The following XKR6 variants were observed in gnomAD, a reference collection of about 807,000 sequenced individuals.
XKR6 encodes the protein XK related 6, also known as XK-related protein 6.
A neutral mutation model predicts 56.7 loss-of-function variants in XKR6; 22 were observed. The ratio of observed to expected loss-of-function variants is 0.39; its 90% CI spans 0.28 to 0.55. The LOEUF (loss-of-function observed/expected upper bound fraction) is 0.55, where lower values mean the gene tolerates loss of function less well. Among genes scored for constraint, XKR6 ranks in the 20% least tolerant of loss-of-function variants. The pLI, the probability that XKR6 is intolerant of heterozygous loss-of-function variation, is 0.66. For synonymous variants in XKR6, 524 were observed against 387.8 expected, an observed-to-expected ratio of 1.35 and a Z score of -4.13; for missense variants, 852 against 889.0, an observed-to-expected ratio of 0.96 and a Z score of 0.53.
At chr8:11,084,458 G>A (rs1173617213) in intron 1 of XKR6, among the ~76,000 whole-genome samples, 2 of 151,912 alleles carry the variant, frequency 1.3e-5, no homozygotes, top group East Asian at 3.9e-4. Context: ...TCTAAGAATT[G>A]CACTATTTAC....
At chr8:10,952,208 C>T (rs1801748163) in intron 1 of XKR6, among the ~76,000 whole-genome samples, 1 of 152,140 alleles carries the variant, frequency 6.6e-6, no homozygotes, top group African/African-American at 2.4e-5. Flanking sequence ...CCCAAGTTCA[C>T]CCACAGGCCT....
intron 1 of XKR6, among the ~76,000 whole-genome samples, chr8:11,048,315 A>G (rs1380087620): frequency 6.6e-6 from 1 of 152,130 alleles, no homozygotes; most frequent in Non-Finnish European, 1.5e-5. Flanking sequence ...TTTAGGGCAG[A>G]CGACTCAGGA....
At chr8:11,089,831 C>A (rs2129172351) in intron 1 of XKR6, among the ~76,000 whole-genome samples, 1 of 152,246 alleles carries the variant, frequency 6.6e-6, no homozygotes, top group East Asian at 1.9e-4. Flanking sequence ...AGCCGCTATA[C>A]TGAATTTTTT....
rs17152900 is a variant in XKR6 at position 11,131,034 on chromosome 8, C to G, written c.764+69542G>C. 2.2e-3 allele frequency among the ~76,000 whole-genome samples: 340 copies of G among 152,184 alleles called. 3 individuals are homozygous for G. Among genetic ancestry groups the G allele is most frequent in the African/African-American group, 7.5e-3 (313 of 41,468 alleles). ...AATCGCTAGTTATGTAACTGAGGACCCTGTTTTAGAGATTCTGTCCCGGGG... is the reference window on the plus strand; with the variant it reads ...AATCGCTAGTTATGTAACTGAGGACGCTGTTTTAGAGATTCTGTCCCGGGG... On this transcript the variant is annotated intron_variant, in intron 1 of 2. Coordinates refer to ENST00000416569, the MANE Select transcript of XKR6 (RefSeq NM_173683.4).
At chr8:11,116,245 A>T (rs954943608) in intron 1 of XKR6, among the ~76,000 whole-genome samples, 1 of 152,142 alleles carries the variant, frequency 6.6e-6, no homozygotes, top group African/African-American at 2.4e-5. Context: ...TTCAGAGAAA[A>T]CGTAACTAAT....
chr8:11,184,940 G>A (rs10095003), intron 1 of XKR6, among the ~76,000 whole-genome samples: 39,068 of 151,946 alleles, frequency 0.26, 5,537 homozygotes, highest in Non-Finnish European at 0.31. Context: ...AAATAACATC[G>A]TTTCATTGAC....
chr8:10,978,199 G>A (rs551545602), intron 1 of XKR6, among the ~76,000 whole-genome samples: 8 of 152,276 alleles, frequency 5.3e-5, no homozygotes, highest in African/African-American at 1.7e-4. Flanking sequence ...ATTCAGAACA[G>A]ATTCATAGCA....
At chr8:11,125,331 A>C (rs1799720960) in intron 1 of XKR6, among the ~76,000 whole-genome samples, 2 of 152,168 alleles carry the variant, frequency 1.3e-5, no homozygotes, top group South Asian at 4.2e-4. Flanking sequence ...AACCCCGCAC[A>C]ATTCACAGGG....
intron 1 of XKR6, among the ~76,000 whole-genome samples, chr8:11,102,304 T>C (rs1798515074): frequency 6.6e-6 from 1 of 152,232 alleles, no homozygotes; most frequent in African/African-American, 2.4e-5. Flanking sequence ...AGTTTACCGC[T>C]GCTAGAATGG....
chr8:11,038,083 T>C (rs1225317783), intron 1 of XKR6, among the ~76,000 whole-genome samples: 1 of 151,226 alleles, frequency 6.6e-6, no homozygotes, highest in Non-Finnish European at 1.5e-5. Context: ...AACTATTAAC[T>C]ACCATCCCTG....
intron 1 of XKR6, among the ~76,000 whole-genome samples, chr8:10,937,945 G>T (rs572894386): frequency 2.0e-5 from 3 of 151,232 alleles, no homozygotes; most frequent in Admixed American, 6.6e-5. Context: ...CGAGCTTCCC[G>T]GCTGCTTTGT....
chr8:11,086,187 A>G (rs1427742859), intron 1 of XKR6, among the ~76,000 whole-genome samples: 1 of 150,814 alleles, frequency 6.6e-6, no homozygotes, highest in Non-Finnish European at 1.5e-5. Context: ...CATAATTCTG[A>G]TCCAGATTCT....
intron 1 of XKR6, among the ~76,000 whole-genome samples, chr8:10,972,082 C>T (rs983360009): frequency 2.0e-5 from 3 of 152,150 alleles, no homozygotes; most frequent in Non-Finnish European, 2.9e-5. Context: ...ATTTCTGTTG[C>T]GAGTGCCAAT....
Position 10,950,226 on chromosome 8 carries a change from T to C in XKR6, c.765-25396A>G, listed in dbSNP as rs1028457739. 7.3e-4 allele frequency among the ~76,000 whole-genome samples: 111 copies of C among 152,082 alleles called. 1 individual carries two copies. The highest frequency in any genetic ancestry group is 1.2e-4 in the African/African-American group (5 of 41,426). Reference sequence around the variant, plus strand: ...CTCACCTCCTGCTGCCATTACCACCTGGCCAATGGATAGTGCAGGGGGCTC... The same window carrying C: ...CTCACCTCCTGCTGCCATTACCACCCGGCCAATGGATAGTGCAGGGGGCTC... On this transcript the variant is annotated intron_variant, in intron 1 of 2. Coordinates refer to ENST00000416569, the MANE Select transcript of XKR6 (RefSeq NM_173683.4).
In XKR6 at chr8:11,003,664, CT is replaced by C. The variant is rs1798297389; in HGVS notation, c.765-78835del. ...GTGAGGCTCAGAGAAGCCATGCAGCCTGCTCAAAGTCAAACTGTAAGAACTG... is the reference window on the plus strand; with the variant it reads ...GTGAGGCTCAGAGAAGCCATGCAGCCGCTCAAAGTCAAACTGTAAGAACTG... On this transcript the variant is annotated intron_variant, in intron 1 of 2. Transcript: ENST00000416569. 2.0e-5 allele frequency among the ~76,000 whole-genome samples: 3 copies of C among 152,338 alleles called. No individual in the cohort carries two copies. The South Asian group carries it at 6.2e-4, about 32-fold the overall frequency.
intron 1 of XKR6, among the ~76,000 whole-genome samples, chr8:10,957,450 T>C (rs529944126): frequency 6.6e-6 from 1 of 152,286 alleles, no homozygotes; most frequent in South Asian, 2.1e-4. Context: ...AGGGAGCCTC[T>C]TGTGGCCCAT....
chr8:11,037,079 T>C (rs1034089261), intron 1 of XKR6, among the ~76,000 whole-genome samples: 21 of 152,342 alleles, frequency 1.4e-4, no homozygotes, highest in Non-Finnish European at 1.5e-5. Context: ...GGATATCATT[T>C]AGTGATGCTA....
chr8:11,120,244 T>C (rs1054778226), intron 1 of XKR6, among the ~76,000 whole-genome samples: 1 of 152,168 alleles, frequency 6.6e-6, no homozygotes, highest in Non-Finnish European at 1.5e-5. Flanking sequence ...GGAAGTCAAA[T>C]TGTCCCTGTT....
chr8:10,921,461 C>T (rs532529483), intron 2 of XKR6, among the ~76,000 whole-genome samples: 1 of 152,354 alleles, frequency 6.6e-6, no homozygotes, highest in East Asian at 1.9e-4. Flanking sequence ...CCACCTGGCC[C>T]TGGAAATGAT....
Sources: allele counts gnomAD v4.1 joint callset (sites outside exome capture counted in the v4.1 genomes callset), GRCh38; gene constraint gnomAD v4.1.1; transcripts MANE v1.5; gene names NCBI Gene and HGNC (gene_info 2026-07-23, HGNC 2026-07-21).